EPB42: variants seen among roughly 807,000 people sequenced by gnomAD.
The protein encoded by EPB42 is erythrocyte membrane protein band 4.2.
In EPB42, 49 loss-of-function variants were observed where a neutral mutation model predicts 76.9. The observed-to-expected ratio is 0.64, with a 90% CI of 0.51 to 0.81. The LOEUF is 0.81. EPB42 is among the 30% of genes least tolerant of loss of function. The pLI is 0.00. For synonymous variants in EPB42, 310 were observed against 338.4 expected (o/e 0.92, Z 0.92); for missense variants, 731 against 867.6 (o/e 0.84, Z 1.98).
chr15:43,208,142 T>A, intron 8 of EPB42, 88 bp downstream of exon 8: 3 of 1,188,992 alleles, frequency 2.5e-6, no homozygotes, highest in Non-Finnish European at 2.5e-6. Context: ...GCAGACCCCC[T>A]TGGGACTGCC....
At chr15:43,224,542 C>T (rs549805820), upstream of EPB42, among the ~76,000 whole-genome samples, 2 of 152,152 alleles carry the variant, frequency 1.3e-5, no homozygotes, top group African/African-American at 4.8e-5. Context: ...AGCCATTCTA[C>T]TTCTAGGTAT....
intron 3 of EPB42, among the ~76,000 whole-genome samples, chr15:43,214,352 G>A (rs767878858): frequency 8.5e-5 from 13 of 152,264 alleles, no homozygotes; most frequent in Non-Finnish European, 1.3e-4. Flanking sequence ...TTGGGGGGGC[G>A]GGGCACAGCA....
At chr15:43,212,043 G>A (rs2042306339) in intron 3 of EPB42, among the ~76,000 whole-genome samples, 1 of 151,524 alleles carries the variant, frequency 6.6e-6, no homozygotes, top group East Asian at 1.9e-4. Flanking sequence ...CTCCAGCCTG[G>A]GTGACAGAGT....
chr15:43,208,333 C>A lies in EPB42; in HGVS notation c.972G>T (p.Trp324Cys), dbSNP rs372491352. Residue 324 changes from tryptophan to cysteine, a missense_variant and splice_region_variant, in exon 8 of 13, where the codon TGG becomes TGT. Transcript: ENST00000441366. ...AGCACTCTGTGGAAGTCTGGAAGATCCTGAATGCAGCAAAGAGAAAAATTC... is the reference window on the plus strand; with the variant it reads ...AGCACTCTGTGGAAGTCTGGAAGATACTGAATGCAGCAAAGAGAAAAATTC... ...QNGEGQRGRI[W>C]IFQTSTECWM... 1.9e-6 allele frequency: 3 copies of A among 1,613,890 alleles called. No homozygotes were observed. The highest frequency in any genetic ancestry group is 2.5e-6 in the Non-Finnish European group (3 of 1,179,888).
At chr15:43,214,404 C>A (rs539906899) in intron 3 of EPB42, among the ~76,000 whole-genome samples, 1 of 152,080 alleles carries the variant, frequency 6.6e-6, no homozygotes, top group East Asian at 1.9e-4. Context: ...TCTGGTGAAC[C>A]GTAGGGTCCT....
rs745934000 is a variant in EPB42, at chr15:43,201,905, T to C, written c.1852A>G (p.Met618Val). The change falls in exon 12 of 13, where the codon ATG becomes GTG. Residue 618 changes from methionine (M) to valine (V), a missense_variant. Physicochemically the swap from Met to Val is conservative, Grantham distance 21. Transcript: ENST00000441366. ...AGGATGGAGATCACACAGTCCTCCA[T>C]GGGGGCATCTAGGGAGTTCTGGAGG... ...VSLQNSLDAP[M>V]EDCVISILGR... 5.0e-6 allele frequency: 8 copies of C among 1,614,126 alleles called. No homozygotes were observed. The highest frequency in any genetic ancestry group is 4.5e-5 in the East Asian group (2 of 44,894).
chr15:43,216,903 C>A (rs1395561122), intron 1 of EPB42, among the ~76,000 whole-genome samples: 1 of 152,158 alleles, frequency 6.6e-6, no homozygotes, highest in Non-Finnish European at 1.5e-5. Context: ...GAGTCCAATT[C>A]TCTTGTTTTA....
intron 3 of EPB42, among the ~76,000 whole-genome samples, chr15:43,214,297 G>A (rs2042342844): frequency 6.6e-6 from 1 of 152,194 alleles, no homozygotes; most frequent in Non-Finnish European, 1.5e-5. Context: ...AGACGACACA[G>A]CTCCAGCCAC....
At chr15:43,210,144 C>T (rs2042270926) in intron 5 of EPB42, among the ~76,000 whole-genome samples, 191 bp downstream of exon 5, 1 of 152,178 alleles carries the variant, frequency 6.6e-6, no homozygotes, top group Non-Finnish European at 1.5e-5. Context: ...CTTTGCTTTT[C>T]TCCCCGCTGT....
chr15:43,203,628 TCTCGC>T (rs2042160041), intron 10 of EPB42, among the ~76,000 whole-genome samples: 3 of 152,114 alleles, frequency 2.0e-5, no homozygotes, highest in African/African-American at 7.2e-5. Context: ...AGAGACAGGG[TCTCGC>T]TTTGTCACCT....
At chr15:43,223,106 A>G (rs2142337893), upstream of EPB42, among the ~76,000 whole-genome samples, 1 of 152,320 alleles carries the variant, frequency 6.6e-6, no homozygotes. Flanking sequence ...TCACGAGGTC[A>G]GGAGTTTGAG....
At chr15:43,221,730 C>T (rs950831676), upstream of EPB42, among the ~76,000 whole-genome samples, 3 of 147,430 alleles carry the variant, frequency 2.0e-5, no homozygotes, top group Non-Finnish European at 4.4e-5. Context: ...GGGATCTGGG[C>T]AGTGGGGTAG....
intron 8 of EPB42, among the ~76,000 whole-genome samples, chr15:43,207,915 T>A (rs948868885): frequency 2.0e-5 from 3 of 152,184 alleles, no homozygotes; most frequent in African/African-American, 7.2e-5. Flanking sequence ...TCAGAACCTC[T>A]GCTGTAAGCC....
intron 3 of EPB42, among the ~76,000 whole-genome samples, chr15:43,213,855 A>G (rs1277410159): frequency 6.6e-6 from 1 of 152,246 alleles, no homozygotes; most frequent in African/African-American, 2.4e-5. Context: ...GGCCACCTGA[A>G]GTCGGGGAGA....
Position 43,209,562 on chromosome 15 carries a change from C to T in EPB42, c.655-111G>A. 2.4e-6 allele frequency: 3 copies of T among 1,245,890 alleles called. No homozygotes were observed. In the Admixed American group the frequency reaches 6.2e-5, roughly 26 times the overall value. 77.2% of individuals were successfully genotyped at this position (1,245,890 alleles called of 1,614,324 possible). ...ACTCCAACCATGGTGAACAGATCCC[C>T]AGCATTAGAGCCACCTGGTACTGGT... On this transcript the variant is annotated intron_variant, in intron 5 of 12. Coordinates refer to ENST00000441366, the MANE Select transcript of EPB42 (RefSeq NM_001114134.2).
chr15:43,211,169 T>C (rs2042290214), intron 4 of EPB42, among the ~76,000 whole-genome samples: 1 of 152,130 alleles, frequency 6.6e-6, no homozygotes, highest in South Asian at 2.1e-4. Context: ...ATTTGGTCTT[T>C]ATCTCAAAGA....
At chr15:43,200,785 A>C (rs887009474) in intron 12 of EPB42, among the ~76,000 whole-genome samples, 2 of 149,898 alleles carry the variant, frequency 1.3e-5, no homozygotes, top group Non-Finnish European at 1.5e-5. Flanking sequence ...CAGCAATTCT[A>C]TTCCTGGGTA....
chr15:43,206,417 T>A lies in EPB42; in HGVS notation c.1531A>T (p.Ile511Phe). 1 of 1,614,108 alleles carries A rather than the reference T, an allele frequency of 6.2e-7. No individual in the cohort carries two copies. The highest frequency in any genetic ancestry group is 8.5e-7 in the Non-Finnish European group (1 of 1,180,006). ...SEQEKAVQLA[I>F]GVQAVHYNGV... The stretch of plus-strand genomic sequence containing the variant: ...TTGTAGTGTACAGCCTGGACCCCAA[T>A]TGCCAGCTGCACTGCCTTCTCCTGC... Residue 511 changes from isoleucine (I) to phenylalanine (F), a missense_variant, in exon 10 of 13, where the codon ATT becomes TTT. By Grantham distance (21) the Ile-to-Phe change is conservative (BLOSUM62 0). Coordinates refer to ENST00000441366, the MANE Select transcript of EPB42 (RefSeq NM_001114134.2). The surrounding 1 kb of genome is among the most constrained non-coding windows in gnomAD (Gnocchi z 4.7).
In EPB42 at chr15:43,216,448, C is replaced by G. The variant is rs1472591601; in HGVS notation, c.16G>C (p.Gly6Arg). The G allele has an allele frequency of 6.2e-7, 1 of 1,614,048 alleles. No homozygotes were observed. The highest frequency in any genetic ancestry group is 8.5e-7 in the Non-Finnish European group (1 of 1,180,020). ...GCCTGAAAGTCACAGCTCTTGATAC[C>G]CAGGGCTGTTGTGGGAAAGAGAGAA... The part of the protein sequence containing the change: MGQAL[G>R]IKSCDFQAAR... Residue 6 changes from glycine (G) to arginine (R), a missense_variant, in exon 2 of 13, where the codon GGT (glycine) becomes CGT (arginine). Physicochemically the swap from Gly to Arg is moderately radical, Grantham distance 125 (BLOSUM62 -2). Coordinates refer to ENST00000441366, the MANE Select transcript of EPB42 (RefSeq NM_001114134.2).
Sources: allele counts gnomAD v4.1 joint callset (sites outside exome capture counted in the v4.1 genomes callset), GRCh38; gene constraint gnomAD v4.1.1; non-coding constraint Gnocchi (gnomAD v3.1); transcripts MANE v1.5; gene names NCBI Gene and HGNC (gene_info 2026-07-23, HGNC 2026-07-21).